Variants in TMEM74 observed in about 807,000 individuals in gnomAD.
The protein encoded by TMEM74 is transmembrane protein 74.
A neutral mutation model predicts 18.1 loss-of-function variants in TMEM74; 13 were observed. The observed-to-expected ratio is 0.72, with a 90% CI of 0.47 to 1.14. The LOEUF is 1.14. Ranked by LOEUF, TMEM74 falls within the 50% of genes most tolerant of loss-of-function variation. The probability of loss-of-function intolerance (pLI) is 0.00; values close to 1 mark genes in which losing one functional copy is unlikely to be tolerated. For missense variants in TMEM74, 372 were observed against 375.9 expected (o/e 0.99, Z 0.09); for synonymous variants, 159 against 146.6 (o/e 1.08, Z -0.61).
At chr8:108,735,793 T>C (rs1434759053) in intron 1 of TMEM74, among the ~76,000 whole-genome samples, 1 of 152,102 alleles carries the variant, frequency 6.6e-6, no homozygotes, top group Non-Finnish European at 1.5e-5. Context: ...TAATATCCAA[T>C]ATCTCACTCT....
Position 108,784,088 on chromosome 8 carries a change from C to A in TMEM74, c.*93G>T. 8.7e-7 allele frequency: 1 copy of A among 1,146,326 alleles called. No homozygotes were observed. Among genetic ancestry groups the A allele is most frequent in the Non-Finnish European group, 1.2e-6 (1 of 822,826 alleles). 71.0% of individuals were successfully genotyped at this position (1,146,326 alleles called of 1,614,324 possible). On this transcript the variant is annotated 3_prime_UTR_variant, in exon 2 of 2. Transcript: ENST00000297459. ...GGTTTGTGAAATAAACTTTTCTTGC[C>A]AGGCAAATAAATTGCACTGTGAATT...
chr8:108,667,295 A>G (rs1378252356), intron 1 of TMEM74, among the ~76,000 whole-genome samples: 1 of 152,168 alleles, frequency 6.6e-6, no homozygotes, highest in African/African-American at 2.4e-5. Context: ...AAATGAACAT[A>G]AGATTGTTAA....
chr8:108,613,808 C>G (rs1314305127), intron 2 of TMEM74, among the ~76,000 whole-genome samples: 1 of 152,164 alleles, frequency 6.6e-6, no homozygotes, highest in Non-Finnish European at 1.5e-5. Context: ...GGGACAGTAT[C>G]ATGTCCTAAT....
At chr8:108,718,120 G>A (rs1325973520) in intron 1 of TMEM74, among the ~76,000 whole-genome samples, 4 of 110,342 alleles carry the variant, frequency 3.6e-5, no homozygotes, top group African/African-American at 5.5e-5. Flanking sequence ...CACTACGCCC[G>A]GCTAATTTTT....
At chr8:108,718,197 A>T (rs1273846794) in intron 1 of TMEM74, among the ~76,000 whole-genome samples, 1 of 139,956 alleles carries the variant, frequency 7.1e-6, no homozygotes, top group Non-Finnish European at 1.5e-5. Context: ...TGACCTCGTG[A>T]TCCGCCCGCC....
At chr8:108,621,115 C>G (rs1379462706) in intron 2 of TMEM74, among the ~76,000 whole-genome samples, 1 of 152,062 alleles carries the variant, frequency 6.6e-6, no homozygotes, top group Non-Finnish European at 1.5e-5. Flanking sequence ...AAAGTAGACC[C>G]CAAGACTAAG....
At chr8:108,719,206 C>T (rs775565896) in intron 1 of TMEM74, among the ~76,000 whole-genome samples, 20 of 151,910 alleles carry the variant, frequency 1.3e-4, no homozygotes, top group East Asian at 3.9e-4. Context: ...ATTGGGGAGA[C>T]GCATAAACAC....
chr8:108,683,029 G>A (rs904947125), intron 1 of TMEM74, among the ~76,000 whole-genome samples: 3 of 151,726 alleles, frequency 2.0e-5, no homozygotes, highest in African/African-American at 7.2e-5. Context: ...TTGACAGATG[G>A]TAAAAATAAC....
chr8:108,710,806 G>GTC (rs376474795), intron 1 of TMEM74, among the ~76,000 whole-genome samples: 3 of 152,208 alleles, frequency 2.0e-5, no homozygotes, highest in Middle Eastern at 3.4e-3. Context: ...AGCTCTGACT[G>GTC]TCTCTCTCTC....
At chr8:108,734,253 T>G (rs138472604) in intron 1 of TMEM74, among the ~76,000 whole-genome samples, 2 of 152,322 alleles carry the variant, frequency 1.3e-5, no homozygotes, top group African/African-American at 4.8e-5. Flanking sequence ...TTCCCCAGCC[T>G]GTGGACTCCA....
At chr8:108,708,972 C>T (rs1180261015) in intron 1 of TMEM74, among the ~76,000 whole-genome samples, 1 of 151,898 alleles carries the variant, frequency 6.6e-6, no homozygotes, top group Non-Finnish European at 1.5e-5. Flanking sequence ...ATCAAAACTA[C>T]AATAAGATAG....
At position 108,731,490 on chromosome 8, in the gene TMEM74, A is replaced by T. The variant is rs569857676; in HGVS notation, n.119+55986T>A. Among the ~76,000 whole-genome samples, 12 of 152,320 alleles carry T rather than the reference A, an allele frequency of 7.9e-5. No homozygotes were observed. In the East Asian group the frequency reaches 2.3e-3, roughly 29 times the overall value. On this transcript the variant is annotated intron_variant and non_coding_transcript_variant, in intron 1 of 3. Transcript: ENST00000518838. ...GCATTTAATGCAGCTCTAGTTATTT[A>T]GGATAAGGATGGCACTGAGTTTTCA... is the stretch of plus-strand genomic sequence containing the variant.
chr8:108,611,881 G>A (rs1256449943), intron 2 of TMEM74, among the ~76,000 whole-genome samples: 1 of 152,192 alleles, frequency 6.6e-6, no homozygotes, highest in African/African-American at 2.4e-5. Context: ...AAAGAAAAGA[G>A]GTTGAATTGA....
intron 1 of TMEM74, among the ~76,000 whole-genome samples, chr8:108,744,009 G>C (rs1443094381): frequency 6.8e-6 from 1 of 147,852 alleles, no homozygotes. Context: ...GCTGAAGCAA[G>C]AGAATAAAAG....
chr8:108,753,871 A>G (rs1182120023), intron 1 of TMEM74, among the ~76,000 whole-genome samples: 2 of 151,942 alleles, frequency 1.3e-5, no homozygotes, highest in Non-Finnish European at 2.9e-5. Context: ...TTTTGTATCT[A>G]CTTTACCCCT....
intron 1 of TMEM74, among the ~76,000 whole-genome samples, chr8:108,699,180 CCTT>C (rs1813311472): frequency 4.2e-5 from 4 of 95,266 alleles, no homozygotes; most frequent in African/African-American, 1.9e-4. Flanking sequence ...TTCCTTCCTT[CCTT>C]CCTCCCTCCC....
chr8:108,696,267 T>C (rs551362372), intron 1 of TMEM74, among the ~76,000 whole-genome samples: 1 of 152,334 alleles, frequency 6.6e-6, no homozygotes, highest in Admixed American at 6.5e-5. Context: ...ATATGAATTA[T>C]TTTCTTAATC....
intron 2 of TMEM74, among the ~76,000 whole-genome samples, chr8:108,631,792 A>C (rs1269309563): frequency 6.6e-6 from 1 of 151,958 alleles, no homozygotes; most frequent in Non-Finnish European, 1.5e-5. Context: ...CTATTTTTGT[A>C]AATCAATCTC....
chr8:108,742,283 C>T (rs368366808), intron 1 of TMEM74, among the ~76,000 whole-genome samples: 9 of 152,036 alleles, frequency 5.9e-5, no homozygotes, highest in Admixed American at 1.3e-4. Flanking sequence ...CATGTACCCC[C>T]GAAACTAAAA....
Sources: gnomAD v4.1 joint callset for allele counts (sites outside exome capture counted in the v4.1 genomes callset) on GRCh38, gnomAD v4.1.1 for gene constraint, MANE v1.5 for transcripts, NCBI Gene and HGNC (gene_info 2026-07-23, HGNC 2026-07-21) for gene names.